FAF1: variants seen among roughly 807,000 people sequenced by gnomAD.
FAF1 encodes Fas associated factor 1.
In FAF1, 25 loss-of-function variants were observed where a neutral mutation model predicts 92.5. The observed-to-expected ratio is 0.27, with a 90% CI of 0.20 to 0.38. FAF1 has a LOEUF of 0.38. Ranked by LOEUF, FAF1 falls within the 10% of genes least tolerant of loss-of-function variation. FAF1 has a pLI of 1.00. For synonymous variants in FAF1, 234 were observed against 273.2 expected (o/e 0.86, Z 1.42); for missense variants, 636 against 793.3 (o/e 0.80, Z 2.38).
Position 50,744,770 on chromosome 1 carries a change from T to C in FAF1, c.373A>G (p.Ile125Val). 6.3e-7 allele frequency: 1 copy of C among 1,583,474 alleles called. No homozygotes were observed. Among genetic ancestry groups the C allele is most frequent in the Non-Finnish European group, 8.6e-7 (1 of 1,156,480 alleles). ...VLEDTCTVGE[I>V]KQILENELQI... is the part of the protein sequence containing the mutation. ...AGTTCATTTTCTAGAATCTGTTTAATCTCTCCTGTATAAATAAGAAGAGAT... is the reference window on the plus strand; with the variant it reads ...AGTTCATTTTCTAGAATCTGTTTAACCTCTCCTGTATAAATAAGAAGAGAT... The change falls in exon 5 of 19, where the codon ATT (isoleucine) becomes GTT (valine). Residue 125 changes from isoleucine (I) to valine (V), a missense_variant. Transcript: ENST00000396153.
intron 13 of FAF1, among the ~76,000 whole-genome samples, chr1:50,559,441 C>A (rs958930269): frequency 6.6e-6 from 1 of 152,102 alleles, no homozygotes; most frequent in Non-Finnish European, 1.5e-5. Flanking sequence ...CAATGCTGAG[C>A]AGTAATTATG....
intron 7 of FAF1, among the ~76,000 whole-genome samples, chr1:50,666,829 G>A (rs1655656135): frequency 6.6e-6 from 1 of 152,166 alleles, no homozygotes; most frequent in African/African-American, 2.4e-5. Flanking sequence ...GTTGCAGTGA[G>A]ACGAGGCCAC....
intron 4 of FAF1, among the ~76,000 whole-genome samples, chr1:50,777,724 G>A (rs961202710): frequency 6.7e-6 from 1 of 148,446 alleles, no homozygotes; most frequent in Non-Finnish European, 1.5e-5. Context: ...ATGAACTTTG[G>A]AACCTGAATT....
At chr1:50,918,843 CT>C (rs1644940887) in intron 1 of FAF1, among the ~76,000 whole-genome samples, 1 of 145,604 alleles carries the variant, frequency 6.9e-6, no homozygotes, top group South Asian at 2.3e-4. Flanking sequence ...TCCACATCCT[CT>C]CCAGCACCTG....
intron 17 of FAF1, 37 bp downstream of exon 17, chr1:50,490,551 C>A: frequency 1.8e-6 from 1 of 566,948 alleles, no homozygotes; most frequent in Non-Finnish European, 2.7e-6. Flanking sequence ...AAATACAACC[C>A]AGCTTTTGAA....
chr1:50,466,440 A>T (rs1318071702), intron 18 of FAF1, among the ~76,000 whole-genome samples: 1 of 152,176 alleles, frequency 6.6e-6, no homozygotes, highest in African/African-American at 2.4e-5. Flanking sequence ...AGATCGTTGT[A>T]TGTAGAAATG....
intron 6 of FAF1, among the ~76,000 whole-genome samples, chr1:50,728,312 A>G (rs12090545): frequency 0.12 from 18,317 of 152,160 alleles, 1,366 homozygotes; most frequent in African/African-American, 0.21. Context: ...GAATAGCAAA[A>G]TATAAATGCT....
At chr1:50,694,959 C>CA (rs376527083) in intron 7 of FAF1, among the ~76,000 whole-genome samples, 29 of 147,370 alleles carry the variant, frequency 2.0e-4, no homozygotes, top group South Asian at 4.3e-4. Flanking sequence ...GAGACTGTCT[C>CA]AAAAAAAAAA....
intron 12 of FAF1, among the ~76,000 whole-genome samples, chr1:50,574,202 G>A (rs1196226837): frequency 6.6e-6 from 1 of 152,214 alleles, no homozygotes; most frequent in African/African-American, 2.4e-5. Flanking sequence ...ATCTTTATCA[G>A]TTTTCATTGC....
chr1:50,475,816 AAATGCTTGAAC>A, intron 17 of FAF1, 137 bp from the exon 18 acceptor site: 1 of 554,676 alleles, frequency 1.8e-6, no homozygotes, highest in South Asian at 3.0e-5. Flanking sequence ...TAGCCAAGCC[AAATGCTTGAAC>A]AATAGAATAA....
rs1342418374 is a variant in FAF1 at position 50,738,847 on chromosome 1, A to C, written c.551+16T>G. 1 of 1,528,324 alleles carries C rather than the reference A, an allele frequency of 6.5e-7. No individual in the cohort carries two copies. The highest frequency in any genetic ancestry group is 9.0e-7 in the Non-Finnish European group (1 of 1,110,180). The allele number at this position is 1,528,324 out of a possible 1,614,324, so 94.7% of individuals were successfully genotyped here. Reference sequence around the variant, plus strand: ...AGTTTTTCATTTCATGTTCCCAGGAAATATAAACAACTTACCCAGCATGAC... The same window carrying C: ...AGTTTTTCATTTCATGTTCCCAGGACATATAAACAACTTACCCAGCATGAC... On this transcript the variant is annotated intron_variant, in intron 6 of 18. Coordinates refer to ENST00000396153, the MANE Select transcript of FAF1 (RefSeq NM_007051.3).
chr1:50,526,915 C>T (rs1316619010), intron 15 of FAF1, among the ~76,000 whole-genome samples: 2 of 150,778 alleles, frequency 1.3e-5, no homozygotes, highest in African/African-American at 4.9e-5. Context: ...AGTGTAGTGG[C>T]GTGATCTCGG....
At chr1:50,687,226 CT>C (rs1008791040) in intron 7 of FAF1, among the ~76,000 whole-genome samples, 1 of 151,960 alleles carries the variant, frequency 6.6e-6, no homozygotes, top group Admixed American at 6.6e-5. Flanking sequence ...GTGTAGCTGT[CT>C]TTTAAGCTCT....
At chr1:50,703,697 G>T (rs1657563554) in intron 7 of FAF1, among the ~76,000 whole-genome samples, 1 of 152,102 alleles carries the variant, frequency 6.6e-6, no homozygotes, top group Non-Finnish European at 1.5e-5. Flanking sequence ...ATGACATTTA[G>T]AAAATGGTAT....
At chr1:50,467,085 T>C (rs1013686379) in intron 18 of FAF1, among the ~76,000 whole-genome samples, 2 of 152,152 alleles carry the variant, frequency 1.3e-5, no homozygotes, top group African/African-American at 4.8e-5. Context: ...ACTGTTTGTA[T>C]GAGAGGCTGA....
chr1:50,857,944 A>G lies in FAF1; in HGVS notation c.99T>C (p.Asn33=). 2.5e-6 allele frequency: 4 copies of G among 1,598,780 alleles called. No individual in the cohort carries two copies. The highest frequency in any genetic ancestry group is 3.4e-6 in the Non-Finnish European group (4 of 1,172,314). ...AAGTACTTACCACTAAGTCCCAATT[A>G]TTTTGTTCAAGCAATGTAATAGCTT... ...IDEAITLLEQ[N]NWDLVAAING... Residue 33 remains asparagine (N), a synonymous_variant, in exon 2 of 19, where the codon AAT becomes AAC. Transcript: ENST00000396153.
At chr1:50,885,229 G>A (rs1007601358) in intron 1 of FAF1, among the ~76,000 whole-genome samples, 3 of 151,646 alleles carry the variant, frequency 2.0e-5, no homozygotes, top group Admixed American at 6.6e-5. Flanking sequence ...GCCTTTCATT[G>A]ATCTTGTGTA....
intron 6 of FAF1, among the ~76,000 whole-genome samples, chr1:50,720,020 G>A (rs897997525): frequency 7.0e-6 from 1 of 143,102 alleles, no homozygotes; most frequent in East Asian, 2.0e-4. Flanking sequence ...TTTTTTCTTT[G>A]AGAAGGAGTC....
chr1:50,460,951 C>A (rs1646421173), intron 18 of FAF1, among the ~76,000 whole-genome samples: 2 of 152,086 alleles, frequency 1.3e-5, no homozygotes, highest in African/African-American at 2.4e-5. Flanking sequence ...CAGCACGTGG[C>A]CTAAGTAAAG....
Sources: allele counts gnomAD v4.1 joint callset (sites outside exome capture counted in the v4.1 genomes callset), GRCh38; gene constraint gnomAD v4.1.1; transcripts MANE v1.5; gene names NCBI Gene and HGNC (gene_info 2026-07-23, HGNC 2026-07-21).